Variants in TEX9 observed in about 807,000 individuals in gnomAD.
TEX9 encodes testis expressed 9.
TEX9 carries 74 observed loss-of-function variants against 59.6 expected under a neutral mutation model. That is an observed-to-expected ratio of 1.24 (90% CI 1.03 to 1.51). The LOEUF is 1.51. Ranked by LOEUF, TEX9 falls within the 40% of genes most tolerant of loss-of-function variation. The probability of loss-of-function intolerance (pLI) is 0.00; values close to 1 mark genes in which losing one functional copy is unlikely to be tolerated. For synonymous variants in TEX9, 186 were observed against 152.2 expected, an observed-to-expected ratio of 1.22 and a Z score of -1.64; for missense variants, 522 against 447.8, an observed-to-expected ratio of 1.17 and a Z score of -1.49.
intron 1 of TEX9, among the ~76,000 whole-genome samples, chr15:56,336,262 C>A (rs528098846): frequency 6.6e-6 from 1 of 152,172 alleles, no homozygotes; most frequent in South Asian, 2.1e-4. Flanking sequence ...TATTCCCCAC[C>A]CCCCATTCAT....
chr15:56,436,935 A>C (rs575968109), intron 12 of TEX9, among the ~76,000 whole-genome samples: 1 of 152,288 alleles, frequency 6.6e-6, no homozygotes, highest in Admixed American at 6.5e-5. Flanking sequence ...GACCAATAAC[A>C]GGCTCTGAAA....
intron 1 of TEX9, among the ~76,000 whole-genome samples, chr15:56,264,296 T>C (rs1044039717): frequency 6.6e-6 from 1 of 152,212 alleles, no homozygotes; most frequent in African/African-American, 2.4e-5. Flanking sequence ...TGGAATTTCA[T>C]TGTGGTTTTA....
At chr15:56,290,452 C>A (rs999183072) in intron 1 of TEX9, among the ~76,000 whole-genome samples, 2 of 151,856 alleles carry the variant, frequency 1.3e-5, no homozygotes, top group Non-Finnish European at 2.9e-5. Flanking sequence ...AAGCCCTGCC[C>A]CCCCCAGTTT....
At chr15:56,247,731 A>G (rs1454484940) in intron 1 of TEX9, among the ~76,000 whole-genome samples, 1 of 152,230 alleles carries the variant, frequency 6.6e-6, no homozygotes, top group African/African-American at 2.4e-5. Flanking sequence ...GTACATACTG[A>G]TTAAGTGCTG....
intron 1 of TEX9, among the ~76,000 whole-genome samples, chr15:56,354,952 C>A (rs1426260175): frequency 6.6e-6 from 1 of 152,090 alleles, no homozygotes; most frequent in Non-Finnish European, 1.5e-5. Flanking sequence ...ATTTATTTTT[C>A]CCTAGTTTGA....
intron 12 of TEX9, among the ~76,000 whole-genome samples, chr15:56,436,541 A>C (rs1170994147): frequency 6.6e-6 from 1 of 152,204 alleles, no homozygotes; most frequent in African/African-American, 2.4e-5. Flanking sequence ...ATCACAATTA[A>C]AAGAACTAGA....
chr15:56,299,485 C>CCTGGTG (rs1169703890), intron 1 of TEX9, among the ~76,000 whole-genome samples: 12 of 152,190 alleles, frequency 7.9e-5, no homozygotes, highest in African/African-American at 2.9e-4. Context: ...CTGGTCAAAT[C>CCTGGTG]CTGGTGCTGT....
intron 12 of TEX9, among the ~76,000 whole-genome samples, chr15:56,442,853 G>A (rs1182692016): frequency 6.6e-6 from 1 of 151,370 alleles, no homozygotes; most frequent in Non-Finnish European, 1.5e-5. Context: ...ATTTACCCCT[G>A]TAACAAACCA....
intron 1 of TEX9, among the ~76,000 whole-genome samples, chr15:56,295,683 T>C (rs2045201172): frequency 6.6e-6 from 1 of 152,216 alleles, no homozygotes; most frequent in East Asian, 1.9e-4. Flanking sequence ...TGGGATTAAT[T>C]TTACTACTTT....
At chr15:56,383,337 T>C (rs1360909918) in intron 3 of TEX9, among the ~76,000 whole-genome samples, 2 of 152,242 alleles carry the variant, frequency 1.3e-5, no homozygotes, top group Non-Finnish European at 2.9e-5. Context: ...TTCAATGATA[T>C]GAAGTTAAAA....
the TEX9 span, among the ~76,000 whole-genome samples, chr15:56,457,241 C>A: frequency 6.6e-6 from 1 of 152,166 alleles, no homozygotes; most frequent in Non-Finnish European, 1.5e-5. Flanking sequence ...GGATATATCA[C>A]TGAACTTTTT....
chr15:56,298,212 C>T (rs2141545767), intron 1 of TEX9, among the ~76,000 whole-genome samples: 1 of 152,222 alleles, frequency 6.6e-6, no homozygotes, highest in Non-Finnish European at 1.5e-5. Flanking sequence ...ATTTCTAGAC[C>T]ACTTCTATCA....
At chr15:56,299,989 G>C (rs971422368) in intron 1 of TEX9, among the ~76,000 whole-genome samples, 5 of 152,076 alleles carry the variant, frequency 3.3e-5, no homozygotes, top group Non-Finnish European at 5.9e-5. Flanking sequence ...GGAAAGGAGA[G>C]AAAAGAGTAA....
chr15:56,371,054 G>A (rs960046500), intron 2 of TEX9, among the ~76,000 whole-genome samples: 3 of 151,878 alleles, frequency 2.0e-5, no homozygotes, highest in Non-Finnish European at 2.9e-5. Context: ...CCGGGGTTTC[G>A]CTATGTTGGC....
chr15:56,263,643 C>T, intron 1 of TEX9, among the ~76,000 whole-genome samples: 1 of 152,162 alleles, frequency 6.6e-6, no homozygotes, highest in East Asian at 1.9e-4. Context: ...GTAACTACCA[C>T]CGCAATCAAG....
At chr15:56,363,268 C>CTTT (rs749991135), upstream of TEX9, among the ~76,000 whole-genome samples, 2 of 142,820 alleles carry the variant, frequency 1.4e-5, no homozygotes, top group African/African-American at 5.1e-5. Context: ...ATTGTCCATC[C>CTTT]TTTTTTTTTT....
At chr15:56,350,075 T>C (rs1382870117) in intron 1 of TEX9, among the ~76,000 whole-genome samples, 1 of 152,120 alleles carries the variant, frequency 6.6e-6, no homozygotes. Flanking sequence ...GTCCTTATAT[T>C]GTAGTGAAAT....
chr15:56,307,552 G>T (rs945650565), intron 1 of TEX9, among the ~76,000 whole-genome samples: 2 of 152,186 alleles, frequency 1.3e-5, no homozygotes, highest in Non-Finnish European at 2.9e-5. Flanking sequence ...TCCAATATTT[G>T]CCAGGCATTT....
chr15:56,302,058 G>C (rs562683231), intron 1 of TEX9, among the ~76,000 whole-genome samples: 2 of 152,268 alleles, frequency 1.3e-5, no homozygotes, highest in East Asian at 3.9e-4. Flanking sequence ...TTAAAGCATA[G>C]AGTTTTTATT....
Sources: gnomAD v4.1 joint callset for allele counts (sites outside exome capture counted in the v4.1 genomes callset) on GRCh38, gnomAD v4.1.1 for gene constraint, MANE v1.5 for transcripts, NCBI Gene and HGNC (gene_info 2026-07-23, HGNC 2026-07-21) for gene names.